The following DDX55 variants were observed in gnomAD, a reference collection of about 807,000 sequenced individuals.
The protein encoded by DDX55 is DEAD-box helicase 55, also known as ATP-dependent RNA helicase DDX55.
A neutral mutation model predicts 69.2 loss-of-function variants in DDX55; 56 were observed. The observed-to-expected ratio is 0.81, with a 90% CI of 0.65 to 1.01. DDX55 has a LOEUF of 1.01. DDX55 is among the 50% of genes least tolerant of loss of function. The probability of loss-of-function intolerance (pLI) is 0.00; values close to 1 mark genes in which losing one functional copy is unlikely to be tolerated. For synonymous variants in DDX55, 268 were observed against 273.1 expected (o/e 0.98, Z 0.18); for missense variants, 720 against 745.1 (o/e 0.97, Z 0.39).
chr12:123,605,465 G>A (rs1953830620), intron 1 of DDX55: 1 of 260,306 alleles, frequency 3.8e-6, no homozygotes, highest in East Asian at 9.5e-5. Flanking sequence ...TCAGGCCCTG[G>A]GGACCAGGGC....
chr12:123,615,718 C>T (rs905441084), intron 9 of DDX55, among the ~76,000 whole-genome samples: 6 of 152,188 alleles, frequency 3.9e-5, no homozygotes, highest in African/African-American at 1.4e-4. Context: ...GACACGGTGG[C>T]TCACGCCTGT....
At chr12:123,604,716 T>A (rs1226257738) in intron 1 of DDX55, among the ~76,000 whole-genome samples, 1 of 152,246 alleles carries the variant, frequency 6.6e-6, no homozygotes. Context: ...AAATATTGAC[T>A]AAATGTGAAG....
chr12:123,619,568 CAG>C lies in DDX55; in HGVS notation c.1474_1475del (p.Glu492LysfsTer18). The C allele has an allele frequency of 1.2e-6, 2 of 1,613,218 alleles. No individual in the cohort carries two copies. Among genetic ancestry groups the C allele is most frequent in the Middle Eastern group, 1.6e-4 (1 of 6,062 alleles). ...TDTIPFKDKI[R>X]EKQRQKLLEQ... ...ACACGATTCCATTTAAAGATAAAAT[CAG>C]AGAAAAGCAGAGGCAGAAACTCCTG... is the stretch of plus-strand genomic sequence containing the variant. On this transcript the variant is annotated frameshift_variant, in exon 13 of 14. Coordinates refer to ENST00000238146, the MANE Select transcript of DDX55 (RefSeq NM_020936.3). LOFTEE classifies it high-confidence loss of function.
chr12:123,618,086 G>A (rs1392763037), intron 11 of DDX55: 7 of 485,100 alleles, frequency 1.4e-5, no homozygotes, highest in Admixed American at 1.0e-4. Flanking sequence ...GCACTATCTC[G>A]GTTCACCGCA....
At chr12:123,610,675 G>T (rs537696500) in intron 7 of DDX55, among the ~76,000 whole-genome samples, 2 of 142,098 alleles carry the variant, frequency 1.4e-5, no homozygotes. Context: ...GCAGTGGCGC[G>T]ATCTCAGCTC....
At chr12:123,618,346 G>A (rs71458808) in intron 11 of DDX55, 137,761 of 618,028 alleles carry the variant, frequency 0.22, 17,084 homozygotes, top group South Asian at 0.26. Flanking sequence ...GAGGCACCTC[G>A]GTCATGGAGT....
intron 7 of DDX55, among the ~76,000 whole-genome samples, chr12:123,612,956 A>G (rs1045746114): frequency 1.3e-5 from 2 of 152,172 alleles, no homozygotes; most frequent in African/African-American, 4.8e-5. Flanking sequence ...TCTCTGAGCT[A>G]TATGATTTTG....
At chr12:123,606,722 C>T (rs948233839) in intron 3 of DDX55, among the ~76,000 whole-genome samples, 2 of 152,142 alleles carry the variant, frequency 1.3e-5, no homozygotes, top group East Asian at 3.9e-4. Context: ...TTCCAAGTAG[C>T]TGGGACTACA....
chr12:123,602,119 G>A lies in DDX55; in HGVS notation c.-30G>A, dbSNP rs1304842149. The A allele has an allele frequency of 3.3e-6, 5 of 1,532,768 alleles. No individual in the cohort carries two copies. The South Asian group carries it at 6.0e-5, about 18-fold the overall frequency. 94.9% of individuals were successfully genotyped at this position (1,532,768 alleles called of 1,614,324 possible). On this transcript the variant is annotated 5_prime_UTR_variant, in exon 1 of 14. Transcript: ENST00000238146. ...GGGGTGCACAAGGCGCGTTCGAGCA[G>A]CGGCGACCGACGCGGCGAAGGAGCG...
intron 6 of DDX55, among the ~76,000 whole-genome samples, chr12:123,609,127 T>A (rs1356498748): frequency 6.6e-6 from 1 of 151,874 alleles, no homozygotes; most frequent in Non-Finnish European, 1.5e-5. Flanking sequence ...ATGGTTTTTT[T>A]ATTTTTTGCA....
At chr12:123,605,741 C>G (rs1953845097) in intron 1 of DDX55, 190 bp from the exon 2 acceptor site, 1 of 745,786 alleles carries the variant, frequency 1.3e-6, no homozygotes, top group Non-Finnish European at 2.3e-6. Context: ...CTCACTGTCC[C>G]CACACGCCGT....
intron 7 of DDX55, among the ~76,000 whole-genome samples, chr12:123,612,408 A>G (rs1328814070): frequency 6.6e-6 from 1 of 152,238 alleles, no homozygotes; most frequent in East Asian, 1.9e-4. Flanking sequence ...AATAGGATGA[A>G]TGCATTCAGG....
intron 11 of DDX55, 43 bp downstream of exon 11, chr12:123,617,915 G>A: frequency 6.4e-7 from 1 of 1,569,880 alleles, no homozygotes; most frequent in Non-Finnish European, 8.8e-7. Flanking sequence ...TAGTGACGGG[G>A]TAGCTGGAAA....
intron 7 of DDX55, among the ~76,000 whole-genome samples, chr12:123,612,207 A>C (rs1954297278): frequency 6.6e-6 from 1 of 152,168 alleles, no homozygotes; most frequent in Non-Finnish European, 1.5e-5. Context: ...GCTATTCCAA[A>C]ATCTGAAAAA....
At chr12:123,606,715 C>G (rs1461910187) in intron 3 of DDX55, among the ~76,000 whole-genome samples, 2 of 151,972 alleles carry the variant, frequency 1.3e-5, no homozygotes, top group African/African-American at 4.8e-5. Context: ...CTCAGCCTTC[C>G]AAGTAGCTGG....
Position 123,609,936 on chromosome 12 carries a change from C to G in DDX55, c.552-3C>G. The stretch of plus-strand genomic sequence containing the variant: ...GGTTAAGTGTGAGCCCTCTTTTTAT[C>G]AGCATCAACACCATTCTGGAGTTTT... On this transcript the variant is annotated splice_region_variant and splice_polypyrimidine_tract_variant and intron_variant, in intron 6 of 13. Transcript: ENST00000238146. The G allele has an allele frequency of 6.2e-7, 1 of 1,611,194 alleles. No homozygotes were observed. The highest frequency in any genetic ancestry group is 1.1e-5 in the South Asian group (1 of 90,708).
At chr12:123,603,672 A>C (rs913211911) in intron 1 of DDX55, among the ~76,000 whole-genome samples, 4 of 150,826 alleles carry the variant, frequency 2.7e-5, no homozygotes, top group Admixed American at 6.6e-5. Context: ...TTACAGGCTG[A>C]GCTACCGCAC....
At chr12:123,603,842 G>C (rs1338339812) in intron 1 of DDX55, among the ~76,000 whole-genome samples, 1 of 151,966 alleles carries the variant, frequency 6.6e-6, no homozygotes, top group Non-Finnish European at 1.5e-5. Flanking sequence ...TTTCTCTGTT[G>C]CCCAGGTTGG....
At position 123,604,280 on chromosome 12, in the gene DDX55, C is replaced by T. The variant is rs920388468; in HGVS notation, c.109-1651C>T. Among the ~76,000 whole-genome samples the T allele has an allele frequency of 3.3e-5, 5 of 152,082 alleles. No individual in the cohort carries two copies. In the East Asian group the frequency reaches 5.8e-4, roughly 18 times the overall value. Reference sequence around the variant, plus strand: ...AATAATGGCCGGGCACGGTGGCTCACGCCTGTAATCCTAGCACTTTTGGAG... The same window carrying T: ...AATAATGGCCGGGCACGGTGGCTCATGCCTGTAATCCTAGCACTTTTGGAG... On this transcript the variant is annotated intron_variant, in intron 1 of 13. Transcript: ENST00000238146.
Sources: allele counts gnomAD v4.1 joint callset (sites outside exome capture counted in the v4.1 genomes callset), GRCh38; gene constraint gnomAD v4.1.1; transcripts MANE v1.5; gene names NCBI Gene and HGNC (gene_info 2026-07-23, HGNC 2026-07-21).